Variants in PCDHA6 observed in about 807,000 individuals in gnomAD.
PCDHA6 encodes protocadherin alpha 6.
Under a neutral mutation model 60.3 loss-of-function variants are expected in PCDHA6, and 55 were observed. The observed-to-expected ratio is 0.91, with a 90% CI of 0.73 to 1.14. PCDHA6 has a LOEUF of 1.14. PCDHA6 is among the 50% of genes most tolerant of loss of function. The pLI is 0.00. For synonymous variants in PCDHA6, 652 were observed against 557.9 expected, an observed-to-expected ratio of 1.17 and a Z score of -2.38; for missense variants, 1,327 against 1,256.5, an observed-to-expected ratio of 1.06 and a Z score of -0.85.
intron 1 of PCDHA6, chr5:140,927,256 CCT>C (rs2084020732): frequency 1.2e-6 from 2 of 1,614,144 alleles, no homozygotes; most frequent in Non-Finnish European, 1.7e-6. Flanking sequence ...TGACAACTCA[CCT>C]CTCTTTCCTG....
intron 2 of PCDHA6, 87 bp downstream of exon 2, chr5:140,979,094 T>C (rs1203462119): frequency 6.4e-7 from 1 of 1,551,870 alleles, no homozygotes; most frequent in Non-Finnish European, 8.7e-7. Flanking sequence ...CAGAAGCAGC[T>C]GTCAAAACTA....
In PCDHA6 at chr5:140,828,245, C is replaced by T. The variant is rs2150153040; in HGVS notation, c.154C>T (p.Leu52=). The T allele has an allele frequency of 6.2e-7, 1 of 1,613,956 alleles. No homozygotes were observed. Among genetic ancestry groups the T allele is most frequent in the East Asian group, 2.2e-5 (1 of 44,888 alleles). The change falls in exon 1 of 4, where the codon CTG becomes TTG. Residue 52 remains leucine, a synonymous_variant. Coordinates refer to ENST00000529310, the MANE Select transcript of PCDHA6 (RefSeq NM_018909.4). ...GTFVGRIAQD[L]GLELAELVPR... ...CTTCGTGGGCCGGATCGCGCAGGAC[C>T]TGGGGCTGGAGCTGGCGGAGCTGGT...
chr5:140,843,056 A>G (rs2150351365), intron 1 of PCDHA6: 779,075 of 1,594,132 alleles, frequency 0.49, 229,035 homozygotes, highest in African/African-American at 0.71. Context: ...CGCAGCGAGC[A>G]AGCTGGTGCC....
chr5:140,834,187 T>TC, intron 1 of PCDHA6: 1 of 577,002 alleles, frequency 1.7e-6, no homozygotes, highest in South Asian at 2.5e-5. Context: ...CCACATGATG[T>TC]CGCTCTTTAC....
At chr5:140,927,525 T>C in intron 1 of PCDHA6, 1 of 1,614,088 alleles carries the variant, frequency 6.2e-7, no homozygotes, top group Non-Finnish European at 8.5e-7. Context: ...GCGGGCTACC[T>C]GCCCGCTCAG....
At chr5:140,848,886 C>G in intron 1 of PCDHA6, 2 of 1,591,496 alleles carry the variant, frequency 1.3e-6, no homozygotes, top group Admixed American at 1.7e-5. Context: ...CGACAACCCT[C>G]CAGTGTTCCC....
At chr5:140,857,799 T>A (rs1554150681) in intron 1 of PCDHA6, 1 of 1,597,340 alleles carries the variant, frequency 6.3e-7, no homozygotes, top group Non-Finnish European at 8.6e-7. Flanking sequence ...CTGCGGTCGG[T>A]GGTTGCGGGT....
intron 1 of PCDHA6, among the ~76,000 whole-genome samples, chr5:140,916,761 G>A (rs1391817856): frequency 2.0e-5 from 3 of 152,306 alleles, no homozygotes; most frequent in South Asian, 2.1e-4. Flanking sequence ...TTAGGGGAGG[G>A]GTGGCACAAG....
chr5:140,984,140 A>G (rs2097088641), intron 3 of PCDHA6, among the ~76,000 whole-genome samples: 1 of 152,240 alleles, frequency 6.6e-6, no homozygotes, highest in Non-Finnish European at 1.5e-5. Context: ...ATGTGGAGGC[A>G]TCTGGGAAGG....
At chr5:140,861,726 T>C (rs571512824) in intron 1 of PCDHA6, 11 of 216,910 alleles carry the variant, frequency 5.1e-5, no homozygotes, top group African/African-American at 2.6e-4. Flanking sequence ...AATGCTCTGA[T>C]GACTTACATA....
intron 1 of PCDHA6, chr5:140,856,950 T>C: frequency 6.3e-7 from 1 of 1,593,338 alleles, no homozygotes; most frequent in Non-Finnish European, 8.6e-7. Flanking sequence ...ACGGGAGAAA[T>C]AAAAGTAAAT....
At chr5:140,880,759 T>C (rs2058465198) in intron 1 of PCDHA6, among the ~76,000 whole-genome samples, 1 of 152,188 alleles carries the variant, frequency 6.6e-6, no homozygotes. Context: ...TAACTGCGTG[T>C]TGGAGGCTAA....
rs1554263543 is a variant in PCDHA6, at chr5:141,011,545, G to A, written c.*1608G>A. 1 of 153,624 alleles carries A rather than the reference G, an allele frequency of 6.5e-6. No individual in the cohort carries two copies. Among genetic ancestry groups the A allele is most frequent in the Non-Finnish European group, 1.5e-5 (1 of 68,004 alleles). 9.5% of individuals were successfully genotyped at this position (153,624 alleles called of 1,614,324 possible). A position where few individuals can be genotyped will look rare whatever the true frequency, so the allele number is the denominator to read the frequency against. Reference sequence around the variant, plus strand: ...TTAACCATTGTTAATCAGCTTTTGTGTATGAAAGACACAGTAAAATTTCTT... The same window carrying A: ...TTAACCATTGTTAATCAGCTTTTGTATATGAAAGACACAGTAAAATTTCTT... On this transcript the variant is annotated 3_prime_UTR_variant, in exon 4 of 4. Coordinates refer to ENST00000529310, the MANE Select transcript of PCDHA6 (RefSeq NM_018909.4).
intron 1 of PCDHA6, among the ~76,000 whole-genome samples, chr5:140,904,555 C>A (rs1345633704): frequency 6.6e-6 from 1 of 151,632 alleles, no homozygotes. Flanking sequence ...CATATAATGA[C>A]TTTTTTTTCC....
In PCDHA6 at chr5:140,830,543, C is replaced by T. The variant is rs2150187615; in HGVS notation, c.2394+58C>T. The T allele has an allele frequency of 2.5e-6, 3 of 1,178,256 alleles. No individual in the cohort carries two copies. In the South Asian group the frequency reaches 6.5e-5, roughly 25 times the overall value. 73.0% of individuals were successfully genotyped at this position (1,178,256 alleles called of 1,614,324 possible). On this transcript the variant is annotated intron_variant, in intron 1 of 3. Transcript: ENST00000529310. ...TTATTTTAAATTTATAATTGTTTTCCTCATATTTGTCTTCTATATTTCTGT... is the reference window on the plus strand; with the variant it reads ...TTATTTTAAATTTATAATTGTTTTCTTCATATTTGTCTTCTATATTTCTGT...
chr5:140,964,138 C>T (rs529852998), intron 1 of PCDHA6, among the ~76,000 whole-genome samples: 1 of 152,300 alleles, frequency 6.6e-6, no homozygotes, highest in Admixed American at 6.5e-5. Flanking sequence ...GTAAGGTTGG[C>T]AGGAGCCTCA....
At chr5:141,003,324 C>T (rs909788744) in intron 3 of PCDHA6, among the ~76,000 whole-genome samples, 4 of 152,132 alleles carry the variant, frequency 2.6e-5, no homozygotes, top group African/African-American at 9.7e-5. Flanking sequence ...TTCCAGAGGG[C>T]AGGGTTTTTT....
intron 1 of PCDHA6, chr5:140,877,444 G>A (rs782552942): frequency 6.2e-7 from 1 of 1,613,864 alleles, no homozygotes; most frequent in South Asian, 1.1e-5. Context: ...CGGTGAGCCC[G>A]CGCTGACGTC....
intron 1 of PCDHA6, chr5:140,883,009 T>C (rs782092684): frequency 1.2e-6 from 2 of 1,614,126 alleles, no homozygotes; most frequent in South Asian, 2.2e-5. Flanking sequence ...AATCCGTTTA[T>C]AAAGTGACGG....
Sources: allele counts gnomAD v4.1 joint callset (sites outside exome capture counted in the v4.1 genomes callset), GRCh38; gene constraint gnomAD v4.1.1; transcripts MANE v1.5; gene names NCBI Gene and HGNC (gene_info 2026-07-23, HGNC 2026-07-21).